Variants in CNTN4 observed in about 807,000 individuals in gnomAD.
The protein encoded by CNTN4 is contactin-4.
CNTN4 carries 77 observed loss-of-function variants against 122.5 expected under a neutral mutation model. The observed-to-expected ratio is 0.63, with a 90% confidence interval of 0.52 to 0.76. The LOEUF is 0.76. Ranked by LOEUF, CNTN4 falls within the 30% of genes least tolerant of loss-of-function variation. CNTN4 has a pLI of 0.00. For missense variants in CNTN4, 1,256 were observed against 1,259.1 expected, an observed-to-expected ratio of 1.00 and a Z score of 0.04; for synonymous variants, 512 against 447.0, an observed-to-expected ratio of 1.15 and a Z score of -1.83.
chr3:2,751,643 T>TA lies in CNTN4; in HGVS notation c.358+5947dup, dbSNP rs577997557. 1.3e-4 allele frequency among the ~76,000 whole-genome samples: 20 copies of TA among 152,304 alleles called. No homozygotes were observed. The East Asian group carries it at 2.5e-3, about 19-fold the overall frequency. ...AGGGGATGTTTCCAGAGCTTGTGTC[T>TA]ATACAGAATGAAGTGCTATAGCTCC... On this transcript the variant is annotated intron_variant, in intron 6 of 24. Coordinates refer to ENST00000418658, the MANE Select transcript of CNTN4 (RefSeq NM_175607.3).
chr3:2,689,843 A>G (rs1032011336), intron 4 of CNTN4, among the ~76,000 whole-genome samples: 2 of 152,098 alleles, frequency 1.3e-5, no homozygotes, highest in African/African-American at 4.8e-5. Context: ...TCTCCAGCAC[A>G]TACATAAAAA....
At chr3:2,575,809 C>CTTTTTTTTTTTTTT (rs56303805) in intron 4 of CNTN4, among the ~76,000 whole-genome samples, 1 of 101,250 alleles carries the variant, frequency 9.9e-6, no homozygotes, top group Admixed American at 1.2e-4. Flanking sequence ...TCTTCTTCTT[C>CTTTTTTTTTTTTTT]TTTTTTTTTT....
intron 7 of CNTN4, among the ~76,000 whole-genome samples, chr3:2,821,483 G>A (rs572379093): frequency 2.6e-4 from 39 of 152,288 alleles, no homozygotes; most frequent in East Asian, 1.2e-3. Flanking sequence ...CTTTATTATC[G>A]TAAGTTTTCT....
chr3:2,281,871 G>C lies in CNTN4; in HGVS notation c.-144-57307G>C, dbSNP rs17011749. On this transcript the variant is annotated intron_variant, in intron 2 of 24. Transcript: ENST00000418658. ...GTAATATACTAGAAGTTTGGTATTC[G>C]TGACTCTCATTTTTGGTGAACCACT... Among the ~76,000 whole-genome samples the C allele has an allele frequency of 8.2e-3, 1,248 of 152,096 alleles. 18 individuals are homozygous for C. The highest frequency in any genetic ancestry group is 0.028 in the African/African-American group (1,165 of 41,504).
intron 2 of CNTN4, among the ~76,000 whole-genome samples, chr3:2,124,828 C>T (rs866732958): frequency 1.3e-5 from 2 of 152,186 alleles, no homozygotes; most frequent in African/African-American, 4.8e-5. Flanking sequence ...AAAATCTACA[C>T]AGATTTAATG....
At chr3:2,395,828 T>G (rs1388591050) in intron 3 of CNTN4, among the ~76,000 whole-genome samples, 1 of 152,166 alleles carries the variant, frequency 6.6e-6, no homozygotes, top group Admixed American at 6.5e-5. Context: ...CTTTAGATTG[T>G]TGCGGTTTAC....
chr3:2,469,529 C>T (rs945945021), intron 3 of CNTN4, among the ~76,000 whole-genome samples: 9 of 152,058 alleles, frequency 5.9e-5, no homozygotes, highest in African/African-American at 1.9e-4. Flanking sequence ...AGGAAAAATG[C>T]GCCAGATTTT....
intron 14 of CNTN4, among the ~76,000 whole-genome samples, chr3:2,999,970 G>C (rs1282695640): frequency 1.3e-5 from 2 of 152,048 alleles, no homozygotes; most frequent in Non-Finnish European, 2.9e-5. Flanking sequence ...AATCATTAGG[G>C]AATAAACTAA....
intron 4 of CNTN4, among the ~76,000 whole-genome samples, chr3:2,626,891 C>T (rs1388972464): frequency 6.6e-6 from 1 of 152,180 alleles, no homozygotes; most frequent in Non-Finnish European, 1.5e-5. Context: ...TCACATTTAC[C>T]ACATCACAGG....
chr3:2,731,401 G>T (rs1177086656), intron 4 of CNTN4, among the ~76,000 whole-genome samples: 1 of 152,132 alleles, frequency 6.6e-6, no homozygotes, highest in Admixed American at 6.5e-5. Flanking sequence ...TTAGCCTAGT[G>T]ACTGATTGGC....
intron 14 of CNTN4, among the ~76,000 whole-genome samples, chr3:3,021,002 A>G (rs1363634562): frequency 6.6e-6 from 1 of 152,188 alleles, no homozygotes; most frequent in Non-Finnish European, 1.5e-5. Context: ...TATTTATGCA[A>G]CCTAAGATTT....
chr3:2,791,539 A>AC (rs1157166414), intron 6 of CNTN4, among the ~76,000 whole-genome samples: 1 of 151,950 alleles, frequency 6.6e-6, no homozygotes, highest in Non-Finnish European at 1.5e-5. Context: ...TCTCAAAAAA[A>AC]AAAAAAGATT....
intron 6 of CNTN4, among the ~76,000 whole-genome samples, chr3:2,812,404 A>C (rs2092634095): frequency 1.3e-5 from 2 of 151,968 alleles, no homozygotes; most frequent in African/African-American, 4.8e-5. Context: ...TCCAGGGTAT[A>C]GTGCGTATAT....
intron 2 of CNTN4, among the ~76,000 whole-genome samples, chr3:2,226,888 C>T (rs1407552678): frequency 6.6e-6 from 1 of 152,076 alleles, no homozygotes; most frequent in South Asian, 2.1e-4. Flanking sequence ...ATATTAACTA[C>T]TTTAATTTTT....
chr3:2,784,691 G>C (rs2149898025), intron 6 of CNTN4, among the ~76,000 whole-genome samples: 1 of 152,286 alleles, frequency 6.6e-6, no homozygotes, highest in South Asian at 2.1e-4. Flanking sequence ...TGGCCGACCT[G>C]GCTGGATTAA....
At chr3:2,167,645 T>C (rs1203411189) in intron 2 of CNTN4, among the ~76,000 whole-genome samples, 1 of 152,226 alleles carries the variant, frequency 6.6e-6, no homozygotes, top group Non-Finnish European at 1.5e-5. Context: ...ATACCAATGC[T>C]TTGATAACCA....
intron 4 of CNTN4, among the ~76,000 whole-genome samples, chr3:2,710,102 A>G (rs571607842): frequency 6.6e-6 from 1 of 152,328 alleles, no homozygotes; most frequent in African/African-American, 2.4e-5. Context: ...CAGTTAGTAA[A>G]TACAGAACAT....
At chr3:2,521,478 C>T (rs1387144358) in intron 3 of CNTN4, among the ~76,000 whole-genome samples, 2 of 151,776 alleles carry the variant, frequency 1.3e-5, no homozygotes, top group African/African-American at 2.4e-5. Flanking sequence ...GCCATCCCTC[C>T]CTAGGACATG....
At chr3:2,853,872 A>T (rs1412299346) in intron 7 of CNTN4, among the ~76,000 whole-genome samples, 1 of 151,996 alleles carries the variant, frequency 6.6e-6, no homozygotes. Flanking sequence ...GTCTCCTGTG[A>T]CTCACTCCCA....
Sources: allele counts gnomAD v4.1 joint callset (sites outside exome capture counted in the v4.1 genomes callset), GRCh38; gene constraint gnomAD v4.1.1; transcripts MANE v1.5; gene names NCBI Gene and HGNC (gene_info 2026-07-23, HGNC 2026-07-21).